OCA2: variants seen among roughly 807,000 people sequenced by gnomAD.
The protein encoded by OCA2 is P protein.
OCA2 carries 77 observed loss-of-function variants against 100.2 expected under a neutral mutation model. The observed-to-expected ratio is 0.77, with a 90% confidence interval of 0.64 to 0.93. OCA2 has a LOEUF of 0.93. Among genes scored for constraint, OCA2 ranks in the 40% least tolerant of loss-of-function variants. OCA2 has a pLI of 0.00. For missense variants in OCA2, 1,062 were observed against 1,089.1 expected (o/e 0.98, Z 0.35); for synonymous variants, 432 against 439.2 (o/e 0.98, Z 0.21).
intron 23 of OCA2, among the ~76,000 whole-genome samples, chr15:27,759,162 T>C (rs2030630034): frequency 6.6e-6 from 1 of 152,068 alleles, no homozygotes; most frequent in Admixed American, 6.6e-5. Context: ...TATTTTTAAT[T>C]GATAAAAGAC....
intron 2 of OCA2, among the ~76,000 whole-genome samples, chr15:28,034,664 A>G (rs1162457583): frequency 2.0e-5 from 3 of 152,068 alleles, no homozygotes; most frequent in Non-Finnish European, 4.4e-5. Flanking sequence ...AGTCCCAGCT[A>G]CTGGGAAGGC....
chr15:27,865,942 TG>T (rs1475179307), intron 21 of OCA2, among the ~76,000 whole-genome samples: 1 of 152,172 alleles, frequency 6.6e-6, no homozygotes, highest in African/African-American at 2.4e-5. Flanking sequence ...GGGGCCCCTC[TG>T]TAGGCAGGAA....
intron 14 of OCA2, among the ~76,000 whole-genome samples, chr15:27,973,264 G>A (rs1038783027): frequency 6.6e-6 from 1 of 152,158 alleles, no homozygotes; most frequent in African/African-American, 2.4e-5. Context: ...GCCTGGGTCA[G>A]TGTCCAAAGG....
intron 23 of OCA2, among the ~76,000 whole-genome samples, chr15:27,803,556 A>G (rs1310547952): frequency 6.6e-6 from 1 of 152,178 alleles, no homozygotes; most frequent in Non-Finnish European, 1.5e-5. Context: ...ACAGAACAGA[A>G]TAGTGGTTAT....
intron 14 of OCA2, among the ~76,000 whole-genome samples, chr15:27,978,846 C>T (rs986872905): frequency 3.9e-5 from 6 of 152,048 alleles, no homozygotes; most frequent in African/African-American, 9.7e-5. Flanking sequence ...CCACCATGCC[C>T]GGCTAATATT....
At chr15:27,897,619 G>T (rs1054185742) in intron 19 of OCA2, among the ~76,000 whole-genome samples, 1 of 152,332 alleles carries the variant, frequency 6.6e-6, no homozygotes, top group Middle Eastern at 3.4e-3. Context: ...GTTTGCTGCA[G>T]GGGCGGGGCC....
At chr15:27,722,382 C>A in the OCA2 span, among the ~76,000 whole-genome samples, 2 of 152,196 alleles carry the variant, frequency 1.3e-5, no homozygotes, top group East Asian at 3.9e-4. Flanking sequence ...ACCAAAATGC[C>A]AGATCGCCTT....
At chr15:27,916,686 T>C (rs867650053) in intron 19 of OCA2, among the ~76,000 whole-genome samples, 3 of 152,222 alleles carry the variant, frequency 2.0e-5, no homozygotes, top group Non-Finnish European at 4.4e-5. Flanking sequence ...TTGTACCAAC[T>C]ACTCTATGGT....
chr15:27,875,418 T>TAG (rs2036749017), intron 19 of OCA2, among the ~76,000 whole-genome samples: 1 of 152,116 alleles, frequency 6.6e-6, no homozygotes, highest in South Asian at 2.1e-4. Flanking sequence ...AACTTTGTAG[T>TAG]AGGTCAGGAA....
At position 27,936,677 on chromosome 15, in the gene OCA2, G is replaced by A. The variant is rs1455747024; in HGVS notation, c.1952-10423C>T. On this transcript the variant is annotated intron_variant, in intron 18 of 23. Transcript: ENST00000354638. ...TGGCTCTTATGGGCACCTGCTGTGT[G>A]CTGCAGGACACAGGCTTAGAACCAG... Among the ~76,000 whole-genome samples, 4 of 152,048 alleles carry A rather than the reference G, an allele frequency of 2.6e-5. No homozygotes were observed. The East Asian group carries it at 5.8e-4, about 22-fold the overall frequency.
intron 23 of OCA2, among the ~76,000 whole-genome samples, chr15:27,768,166 G>C (rs1343566145): frequency 6.6e-6 from 1 of 152,254 alleles, no homozygotes; most frequent in Non-Finnish European, 1.5e-5. Context: ...AAGCAGGTCT[G>C]AGCTAGGCAG....
At chr15:27,727,718 T>C in the OCA2 span, among the ~76,000 whole-genome samples, 1 of 152,194 alleles carries the variant, frequency 6.6e-6, no homozygotes, top group Non-Finnish European at 1.5e-5. Flanking sequence ...GAAGTGAGTA[T>C]TCTAAACGAT....
the OCA2 span, among the ~76,000 whole-genome samples, chr15:27,719,067 G>C: frequency 1.3e-5 from 2 of 152,176 alleles, no homozygotes; most frequent in African/African-American, 4.8e-5. Flanking sequence ...CATGAGCAAG[G>C]GTTCACAGCA....
chr15:27,829,497 C>T (rs1566999996), intron 23 of OCA2, among the ~76,000 whole-genome samples: 1 of 152,306 alleles, frequency 6.6e-6, no homozygotes, highest in East Asian at 1.9e-4. Context: ...CAACTCTTCA[C>T]CTGCCTAGAA....
At chr15:27,785,513 A>G (rs902352462) in intron 23 of OCA2, among the ~76,000 whole-genome samples, 2 of 152,222 alleles carry the variant, frequency 1.3e-5, no homozygotes, top group Non-Finnish European at 2.9e-5. Context: ...GGGAAATTCA[A>G]ATCAAAACCA....
In OCA2 at chr15:27,806,614, C is replaced by T. The variant is rs542015164; in HGVS notation, c.2432+38345G>A. Among the ~76,000 whole-genome samples, 158 of 152,376 alleles carry T rather than the reference C, an allele frequency of 1.0e-3. 4 individuals are homozygous for T. The highest frequency in any genetic ancestry group is 8.8e-3 in the Admixed American group (134 of 15,312). On this transcript the variant is annotated intron_variant, in intron 23 of 23. Transcript: ENST00000354638. ...CCTTGGCTTCCCGCCGTCCGCTGTG[C>T]GCTCTCCTGCGCCTCGGCCTGTCCC...
chr15:28,027,254 G>T (rs1042702528), intron 4 of OCA2, among the ~76,000 whole-genome samples: 1 of 151,954 alleles, frequency 6.6e-6, no homozygotes, highest in African/African-American at 2.4e-5. Context: ...CACGCCCGCC[G>T]TCCCCCTACG....
chr15:28,037,070 C>T (rs776208358), intron 2 of OCA2, among the ~76,000 whole-genome samples: 1 of 152,004 alleles, frequency 6.6e-6, no homozygotes, highest in Non-Finnish European at 1.5e-5. Flanking sequence ...AGGCACCACT[C>T]AGGAAGACCA....
At position 27,985,057 on chromosome 15, in the gene OCA2, T is replaced by C; in HGVS notation, c.1364+7A>G. 1 of 1,613,832 alleles carries C rather than the reference T, an allele frequency of 6.2e-7. No homozygotes were observed. The highest frequency in any genetic ancestry group is 8.5e-7 in the Non-Finnish European group (1 of 1,179,864). ...CGCAACTCCCACGGCAGAGGTGCTT[T>C]GCGTACCTTATGGTCACAGGCGTGA... On this transcript the variant is annotated splice_region_variant and intron_variant, in intron 13 of 23. Transcript: ENST00000354638.
Sources: gnomAD v4.1 joint callset for allele counts (sites outside exome capture counted in the v4.1 genomes callset) on GRCh38, gnomAD v4.1.1 for gene constraint, MANE v1.5 for transcripts, NCBI Gene and HGNC (gene_info 2026-07-23, HGNC 2026-07-21) for gene names.